RARB: variants seen among roughly 807,000 people sequenced by gnomAD.
The protein encoded by RARB is retinoic acid receptor beta, also known as HBV-activated protein.
A neutral mutation model predicts 51.9 loss-of-function variants in RARB; 17 were observed. The ratio of observed to expected loss-of-function variants is 0.33; its 90% CI spans 0.22 to 0.49. RARB has a LOEUF of 0.49. Among genes scored for constraint, RARB ranks in the 20% least tolerant of loss-of-function variants. The pLI, the probability that RARB is intolerant of heterozygous loss-of-function variation, is 0.99. For missense variants in RARB, 369 were observed against 550.8 expected (o/e 0.67, Z 3.30); for synonymous variants, 215 against 195.4 (o/e 1.10, Z -0.84).
At chr3:25,332,365 T>C (rs921189124) in intron 5 of RARB, among the ~76,000 whole-genome samples, 49 of 152,146 alleles carry the variant, frequency 3.2e-4, no homozygotes, top group African/African-American at 1.2e-3. Context: ...GCAAGGCTGG[T>C]TCAACAAACA....
At chr3:25,081,133 A>G (rs1221773669) in intron 3 of RARB, among the ~76,000 whole-genome samples, 1 of 152,056 alleles carries the variant, frequency 6.6e-6, no homozygotes, top group Non-Finnish European at 1.5e-5. Context: ...ATCTCACAAG[A>G]TTGGGTACAT....
At chr3:25,207,858 A>G (rs933902158) in intron 5 of RARB, among the ~76,000 whole-genome samples, 1 of 152,198 alleles carries the variant, frequency 6.6e-6, no homozygotes, top group Non-Finnish European at 1.5e-5. Flanking sequence ...ATTTATAGAG[A>G]AAAGAGATTT....
At chr3:24,984,064 T>C (rs144406568) in intron 2 of RARB, among the ~76,000 whole-genome samples, 53 of 152,308 alleles carry the variant, frequency 3.5e-4, no homozygotes, top group African/African-American at 1.2e-3. Flanking sequence ...CATTATAGAT[T>C]AATAAAATTA....
intron 4 of RARB, among the ~76,000 whole-genome samples, chr3:25,576,963 G>T (rs1246911819): frequency 6.6e-6 from 1 of 152,172 alleles, no homozygotes; most frequent in Non-Finnish European, 1.5e-5. Flanking sequence ...AGAGATGTTG[G>T]CCGGCACATA....
intron 4 of RARB, among the ~76,000 whole-genome samples, chr3:25,157,542 G>A (rs1422004076): frequency 2.7e-5 from 4 of 145,912 alleles, no homozygotes; most frequent in Non-Finnish European, 4.5e-5. Flanking sequence ...GACTACAGGC[G>A]TGAGCCACCA....
At chr3:24,862,730 G>C (rs1702775483) in intron 2 of RARB, among the ~76,000 whole-genome samples, 1 of 152,188 alleles carries the variant, frequency 6.6e-6, no homozygotes, top group Non-Finnish European at 1.5e-5. Context: ...CACGTATAAG[G>C]AGGGGGCTAC....
intron 5 of RARB, among the ~76,000 whole-genome samples, chr3:25,293,973 T>C (rs1703854830): frequency 6.6e-6 from 1 of 152,208 alleles, no homozygotes; most frequent in African/African-American, 2.4e-5. Flanking sequence ...AGGGCTTTGT[T>C]ACTTTGAATA....
At chr3:25,437,264 C>T (rs1708475451) in intron 1 of RARB, among the ~76,000 whole-genome samples, 1 of 152,062 alleles carries the variant, frequency 6.6e-6, no homozygotes, top group South Asian at 2.1e-4. Flanking sequence ...ATCCATTTAC[C>T]AGATCCCCAG....
intron 5 of RARB, among the ~76,000 whole-genome samples, chr3:25,418,286 T>A (rs1167507009): frequency 2.0e-5 from 3 of 151,894 alleles, no homozygotes; most frequent in African/African-American, 7.3e-5. Context: ...AAAAATATAA[T>A]TTTTTTTGTC....
intron 4 of RARB, among the ~76,000 whole-genome samples, chr3:25,571,996 T>C (rs953967674): frequency 1.3e-5 from 2 of 152,234 alleles, no homozygotes; most frequent in South Asian, 4.1e-4. Flanking sequence ...ATGCCATTTA[T>C]TTCTTTTAGA....
chr3:24,842,874 G>A (rs1702436185), intron 1 of RARB, among the ~76,000 whole-genome samples: 1 of 152,210 alleles, frequency 6.6e-6, no homozygotes. Flanking sequence ...GCCACATAAC[G>A]ATAGTCACAT....
At chr3:25,069,483 T>C (rs1446277467) in intron 3 of RARB, among the ~76,000 whole-genome samples, 5 of 152,216 alleles carry the variant, frequency 3.3e-5, no homozygotes, top group Non-Finnish European at 5.9e-5. Flanking sequence ...AAGCAAGGAA[T>C]GATTTCCTAT....
At chr3:25,498,709 T>G (rs1182673383) in intron 2 of RARB, among the ~76,000 whole-genome samples, 1 of 152,236 alleles carries the variant, frequency 6.6e-6, no homozygotes, top group East Asian at 1.9e-4. Context: ...ATTTGGTTTT[T>G]AATAAAATAA....
At chr3:25,257,810 C>A (rs541732866) in intron 5 of RARB, among the ~76,000 whole-genome samples, 3 of 152,168 alleles carry the variant, frequency 2.0e-5, no homozygotes, top group African/African-American at 7.2e-5. Context: ...ACCTTCTAAG[C>A]CCTCTTTGTT....
intron 2 of RARB, among the ~76,000 whole-genome samples, chr3:25,498,087 T>G (rs1213199461): frequency 6.6e-6 from 1 of 152,216 alleles, no homozygotes; most frequent in Non-Finnish European, 1.5e-5. Context: ...GATTATTGTA[T>G]TATTTGCATT....
At chr3:25,007,881 C>G (rs368328070) in intron 2 of RARB, among the ~76,000 whole-genome samples, 3 of 151,956 alleles carry the variant, frequency 2.0e-5, no homozygotes, top group East Asian at 1.9e-4. Flanking sequence ...AGTTTAATTC[C>G]ATGCTCGCTT....
At chr3:25,354,864 T>C (rs1254169824) in intron 5 of RARB, among the ~76,000 whole-genome samples, 2 of 145,414 alleles carry the variant, frequency 1.4e-5, no homozygotes, top group African/African-American at 5.1e-5. Flanking sequence ...TTGAACCACA[T>C]ACATTTGTTT....
rs142588456 is a variant in RARB at position 25,404,761 on chromosome 3, A to G, written c.179-56432A>G. ...TGTGATGTAGTTAGACTCACATTGC[A>G]GCTACATGAAACAAGTGAAGATTTT... On this transcript the variant is annotated intron_variant, in intron 5 of 11. Transcript: ENST00000383772. Among the ~76,000 whole-genome samples the G allele has an allele frequency of 2.9e-3, 444 of 152,320 alleles. 2 individuals carry two copies. Among genetic ancestry groups the G allele is most frequent in the African/African-American group, 0.01 (421 of 41,560 alleles).
At chr3:24,949,313 C>T (rs1695839572) in intron 2 of RARB, among the ~76,000 whole-genome samples, 1 of 152,152 alleles carries the variant, frequency 6.6e-6, no homozygotes, top group African/African-American at 2.4e-5. Flanking sequence ...TGTAGACATC[C>T]CAAGGACCTC....
Sources: gnomAD v4.1 joint callset for allele counts (sites outside exome capture counted in the v4.1 genomes callset) on GRCh38, gnomAD v4.1.1 for gene constraint, MANE v1.5 for transcripts, NCBI Gene and HGNC (gene_info 2026-07-23, HGNC 2026-07-21) for gene names.